Variants in PPM1H observed in about 807,000 individuals in gnomAD.
PPM1H encodes protein phosphatase, Mg2+/Mn2+ dependent 1H.
In PPM1H, 27 loss-of-function variants were observed where a neutral mutation model predicts 54.9. The ratio of observed to expected loss-of-function variants is 0.49; its 90% CI spans 0.36 to 0.68. The LOEUF (loss-of-function observed/expected upper bound fraction) is 0.68, where lower values mean the gene tolerates loss of function less well. PPM1H is among the 30% of genes least tolerant of loss of function. PPM1H has a pLI of 0.00. For synonymous variants in PPM1H, 305 were observed against 270.8 expected, an observed-to-expected ratio of 1.13 and a Z score of -1.24; for missense variants, 596 against 667.8, an observed-to-expected ratio of 0.89 and a Z score of 1.19.
At position 62,802,020 on chromosome 12, in the gene PPM1H, G is replaced by A; in HGVS notation, c.552C>T (p.Ser184=). ...LQDIVDILKN[S]AVLPPTCLGE... is the part of the protein sequence containing the mutation. The stretch of plus-strand genomic sequence containing the variant: ...CCAGGCAGGTAGGGGGCAGGACGGC[G>A]GAGTTCTTCAGGATGTCCACGATGT... Residue 184 remains serine, a synonymous_variant, in exon 3 of 10, where the codon TCC becomes TCT. Transcript: ENST00000228705. 1.9e-6 allele frequency: 3 copies of A among 1,613,520 alleles called. No homozygotes were observed. Among genetic ancestry groups the A allele is most frequent in the Non-Finnish European group, 2.5e-6 (3 of 1,179,774 alleles).
At chr12:62,898,367 C>T (rs557976199) in intron 1 of PPM1H, among the ~76,000 whole-genome samples, 51 of 152,272 alleles carry the variant, frequency 3.3e-4, no homozygotes, top group Middle Eastern at 3.4e-3. Context: ...TGAATGCCCA[C>T]GTATGTCCTC....
intron 3 of PPM1H, among the ~76,000 whole-genome samples, chr12:62,790,204 T>C (rs1389559963): frequency 6.6e-6 from 1 of 152,106 alleles, no homozygotes; most frequent in African/African-American, 2.4e-5. Flanking sequence ...GGGCCAGAGA[T>C]GGTAACATAA....
At chr12:62,688,244 A>T (rs1348086816) in intron 8 of PPM1H, among the ~76,000 whole-genome samples, 1 of 152,082 alleles carries the variant, frequency 6.6e-6, no homozygotes, top group Non-Finnish European at 1.5e-5. Flanking sequence ...TTTGCATAGA[A>T]ATGTCAGGCT....
chr12:62,814,113 T>G (rs1396936634), intron 2 of PPM1H, among the ~76,000 whole-genome samples: 1 of 152,144 alleles, frequency 6.6e-6, no homozygotes, highest in African/African-American at 2.4e-5. Context: ...AAGGTCTTGC[T>G]CTGTCACCCA....
intron 4 of PPM1H, among the ~76,000 whole-genome samples, chr12:62,751,579 C>A (rs999075038): frequency 1.3e-5 from 2 of 152,172 alleles, no homozygotes; most frequent in Non-Finnish European, 2.9e-5. Flanking sequence ...ATACATCTGA[C>A]GAAAGCTCAT....
chr12:62,653,913 G>C (rs1201529324), intron 9 of PPM1H, among the ~76,000 whole-genome samples: 2 of 151,998 alleles, frequency 1.3e-5, no homozygotes, highest in Non-Finnish European at 2.9e-5. Context: ...ATAACAATTG[G>C]TCACAGCTGG....
intron 4 of PPM1H, among the ~76,000 whole-genome samples, chr12:62,762,659 C>G (rs929453259): frequency 1.3e-5 from 2 of 152,184 alleles, no homozygotes; most frequent in Non-Finnish European, 1.5e-5. Flanking sequence ...CAGCTCTGTC[C>G]AGCCTGCCAC....
chr12:62,802,129 G>A lies in PPM1H; in HGVS notation c.443C>T (p.Ser148Leu), dbSNP rs78301701. The A allele has an allele frequency of 6.3e-7, 1 of 1,582,498 alleles. No individual in the cohort carries two copies. The highest frequency in any genetic ancestry group is 8.6e-7 in the Non-Finnish European group (1 of 1,162,650). ...ESEGVSCHYW[S>L]LFDGHAGSGA... ...GGACCCCGCGTGCCCGTCAAACAGC[G>A]ACCAATAGTGGCAGGAAACACCCTC... is the stretch of plus-strand genomic sequence containing the variant. Residue 148 changes from serine to leucine, a missense_variant, in exon 3 of 10, where the codon TCG becomes TTG. Ser to Leu is a moderately radical substitution (Grantham distance 145). This residue lies in a region of PPM1H where 382 missense variants were observed against 387.1 expected (regional missense o/e 0.99). Coordinates refer to ENST00000228705, the MANE Select transcript of PPM1H (RefSeq NM_020700.2).
intron 8 of PPM1H, among the ~76,000 whole-genome samples, chr12:62,687,697 T>A (rs2076061420): frequency 1.3e-5 from 2 of 152,056 alleles, no homozygotes; most frequent in Non-Finnish European, 2.9e-5. Flanking sequence ...GCATTTCCAG[T>A]CCAAGGAATT....
rs61003358 is a variant in PPM1H, at chr12:62,932,628, C to CTTTTTTTTTTTTTTTTTT, written c.245+1846_245+1863dup. On this transcript the variant is annotated intron_variant, in intron 1 of 9. Transcript: ENST00000228705. Reference sequence around the variant, plus strand: ...CTGTCTCGTAAAGGGTCCAAATGGGCTTTTTTTTTTTTTTTTTTTTTTTGA... The same window carrying CTTTTTTTTTTTTTTTTTT: ...CTGTCTCGTAAAGGGTCCAAATGGGCTTTTTTTTTTTTTTTTTTTTTTTTTTTTTTTTTTTTTTTTTGA... 9.4e-3 allele frequency among the ~76,000 whole-genome samples: 507 copies of CTTTTTTTTTTTTTTTTTT among 54,010 alleles called. 162 individuals carry two copies. The highest frequency in any genetic ancestry group is 0.013 in the South Asian group (11 of 842). 35.4% of individuals were successfully genotyped at this position (54,010 alleles called of 152,430 possible).
chr12:62,918,714 G>GA (rs954132399), intron 1 of PPM1H, among the ~76,000 whole-genome samples: 7 of 151,644 alleles, frequency 4.6e-5, no homozygotes, highest in South Asian at 2.1e-4. Context: ...TAACATCAAG[G>GA]AAAAAAAATG....
In PPM1H at chr12:62,853,937, A is replaced by G. The variant is rs193269564; in HGVS notation, c.246-21658T>C. 4.1e-4 allele frequency among the ~76,000 whole-genome samples: 62 copies of G among 152,340 alleles called. 1 individual carries two copies. The East Asian group carries it at 0.01, about 25-fold the overall frequency. ...GATGAAGAATAAAGACAAAATTCAC[A>G]GAGTACTACAGAGATGGCCAAGCTG... On this transcript the variant is annotated intron_variant, in intron 1 of 9. Coordinates refer to ENST00000228705, the MANE Select transcript of PPM1H (RefSeq NM_020700.2).
At chr12:62,822,073 A>G (rs975176270) in intron 2 of PPM1H, among the ~76,000 whole-genome samples, 1 of 150,232 alleles carries the variant, frequency 6.7e-6, no homozygotes, top group Non-Finnish European at 1.5e-5. Flanking sequence ...CTACCAAGCA[A>G]ATGGAAAGCA....
At chr12:62,836,873 C>A (rs1025359005) in intron 1 of PPM1H, among the ~76,000 whole-genome samples, 1 of 152,124 alleles carries the variant, frequency 6.6e-6, no homozygotes, top group Admixed American at 6.5e-5. Context: ...AACCTACCAG[C>A]CTACCTTCAA....
At chr12:62,889,914 T>A (rs680680) in intron 1 of PPM1H, among the ~76,000 whole-genome samples, 13,625 of 152,200 alleles carry the variant, frequency 0.09, 1,929 homozygotes, top group African/African-American at 0.3. Context: ...CTGAAAGAAA[T>A]AATTGATAAG....
chr12:62,650,793 G>T (rs1212655026), intron 9 of PPM1H, among the ~76,000 whole-genome samples: 1 of 152,070 alleles, frequency 6.6e-6, no homozygotes, highest in African/African-American at 2.4e-5. Flanking sequence ...ACTCACTATC[G>T]TAAGAACAGC....
At chr12:62,793,810 G>C (rs886858624) in intron 3 of PPM1H, among the ~76,000 whole-genome samples, 2 of 150,314 alleles carry the variant, frequency 1.3e-5, no homozygotes, top group Non-Finnish European at 3.0e-5. Context: ...CAGGAAAGAA[G>C]TGCAAGAGAA....
intron 4 of PPM1H, among the ~76,000 whole-genome samples, chr12:62,787,864 A>G (rs939871630): frequency 5.3e-5 from 8 of 152,172 alleles, no homozygotes; most frequent in African/African-American, 1.9e-4. Flanking sequence ...AGTGGAGTCA[A>G]CTGGGGAGTC....
Position 62,934,879 on chromosome 12 carries a change from G to C in PPM1H, c.-143C>G. On this transcript the variant is annotated 5_prime_UTR_variant, in exon 1 of 10. Coordinates refer to ENST00000228705, the MANE Select transcript of PPM1H (RefSeq NM_020700.2). This position sits in a 1 kb window ranked among gnomAD's most constrained non-coding sequence, Gnocchi z 4.2. ...GGACGCGCCGCGCGCGGCTCCCAGA[G>C]CCTAGTGCTGCAGGGGGCCGAGCCC... 8 of 772,948 alleles carry C rather than the reference G, an allele frequency of 1.0e-5. No individual in the cohort carries two copies. The highest frequency in any genetic ancestry group is 1.4e-5 in the Non-Finnish European group (8 of 579,024). 47.9% of individuals were successfully genotyped at this position (772,948 alleles called of 1,614,324 possible).
Sources: gnomAD v4.1 joint callset for allele counts (sites outside exome capture counted in the v4.1 genomes callset) on GRCh38, gnomAD v4.1.1 for gene constraint, gnomAD v4.1.1 regional missense constraint, Gnocchi (gnomAD v3.1) non-coding constraint, MANE v1.5 for transcripts, NCBI Gene and HGNC (gene_info 2026-07-23, HGNC 2026-07-21) for gene names.